Variants in NFKBIB observed in about 807,000 individuals in gnomAD.
NFKBIB encodes NF-kappa-B inhibitor beta.
NFKBIB carries 16 observed loss-of-function variants against 32.1 expected under a neutral mutation model. The ratio of observed to expected loss-of-function variants is 0.50; its 90% CI spans 0.34 to 0.76. The LOEUF (loss-of-function observed/expected upper bound fraction) is 0.76, where lower values mean the gene tolerates loss of function less well. Ranked by LOEUF, NFKBIB falls within the 30% of genes least tolerant of loss-of-function variation. The pLI is 0.01. For missense variants in NFKBIB, 437 were observed against 514.9 expected (o/e 0.85, Z 1.46); for synonymous variants, 222 against 219.5 (o/e 1.01, Z -0.10).
At position 38,907,873 on chromosome 19, in the gene NFKBIB, A is replaced by G; in HGVS notation, c.969+214A>G. 4 of 1,400,848 alleles carry G rather than the reference A, an allele frequency of 2.9e-6. 1 individual carries two copies. In the South Asian group the frequency reaches 7.1e-5, roughly 25 times the overall value. 86.8% of individuals were successfully genotyped at this position (1,400,848 alleles called of 1,614,324 possible). ...GTGGCTGAAAAACTAAGGCAGTGGCAAAGGTAGAACTCAGGCAGGGGTGGA... is the reference window on the plus strand; with the variant it reads ...GTGGCTGAAAAACTAAGGCAGTGGCGAAGGTAGAACTCAGGCAGGGGTGGA... On this transcript the variant is annotated intron_variant, in intron 5 of 5. Coordinates refer to ENST00000313582, the MANE Select transcript of NFKBIB (RefSeq NM_002503.5).
intron 5 of NFKBIB, chr19:38,907,992 C>G: frequency 1.7e-6 from 2 of 1,160,578 alleles, no homozygotes; most frequent in Non-Finnish European, 2.1e-6. Flanking sequence ...AGAACTCACA[C>G]TGCGAAAAGA....
chr19:38,907,499 G>C lies in NFKBIB; in HGVS notation c.809G>C (p.Arg270Pro), dbSNP rs763394190. ...AGGGCAGGCGCGAACCCTGCTGCCC[G>C]CATGTACGGTGGCCGCACCCCACTC... Reference protein sequence around the residue: ...LLRAGANPAARMYGGRTPLGS... With the variant: ...LLRAGANPAAPMYGGRTPLGS... Residue 270 changes from arginine (R) to proline (P), a missense_variant, in exon 5 of 6, where the codon CGC becomes CCC. Transcript: ENST00000313582. The C allele has an allele frequency of 1.2e-6, 2 of 1,612,496 alleles. No individual in the cohort carries two copies. Among genetic ancestry groups the C allele is most frequent in the South Asian group, 2.2e-5 (2 of 91,056 alleles).
intron 1 of NFKBIB, among the ~76,000 whole-genome samples, chr19:38,901,059 G>A (rs1973940824): frequency 6.6e-6 from 1 of 152,266 alleles, no homozygotes; most frequent in East Asian, 1.9e-4. Flanking sequence ...AGATAAACAA[G>A]ATAAGAGCAT....
intron 5 of NFKBIB, 193 bp from the exon 6 acceptor site, chr19:38,908,538 T>TAAAAAA (rs56371900): frequency 1.3e-5 from 14 of 1,081,672 alleles, no homozygotes; most frequent in South Asian, 6.1e-5. Context: ...GACTCCATCT[T>TAAAAAA]AAAAAAAAAA....
Position 38,905,411 on chromosome 19 carries a change from C to A in NFKBIB, c.495C>A (p.Gly165=), listed in dbSNP as rs753986182. 94 of 1,613,682 alleles carry A rather than the reference C, an allele frequency of 5.8e-5. 1 individual carries two copies. The South Asian group carries it at 9.3e-4, about 16-fold the overall frequency. Residue 165 remains glycine (G), a synonymous_variant, in exon 3 of 6, where the codon GGC becomes GGA. Transcript: ENST00000313582. This position sits in a 1 kb window ranked among gnomAD's most constrained non-coding sequence, Gnocchi z 5.5. ...REAPDTYLAQ[G]PDRTPDTNHT... ...CCCCCGACACCTACCTCGCTCAGGGCCCTGACCGTACTCCCGACACCAACC... is the reference window on the plus strand; with the variant it reads ...CCCCCGACACCTACCTCGCTCAGGGACCTGACCGTACTCCCGACACCAACC...
intron 4 of NFKBIB, 31 bp from the exon 5 acceptor site, chr19:38,907,368 G>A: frequency 2.5e-6 from 4 of 1,595,590 alleles, no homozygotes; most frequent in Non-Finnish European, 3.4e-6. Context: ...CCCTCTTCGG[G>A]CCCTCTGACC....
upstream of NFKBIB, chr19:38,899,903 T>G (rs1402883439): frequency 3.1e-6 from 3 of 972,670 alleles, no homozygotes; most frequent in Non-Finnish European, 4.4e-6. Flanking sequence ...TGTGAGCGAT[T>G]CAGCATATTA....
Position 38,905,612 on chromosome 19 carries a change from T to C in NFKBIB, c.619+77T>C. Reference sequence around the variant, plus strand: ...CTGGCCCTGGGCTCAGCTTCCCTGATTTGAGACTGAGCTCCTTGGGAAATC... The same window carrying C: ...CTGGCCCTGGGCTCAGCTTCCCTGACTTGAGACTGAGCTCCTTGGGAAATC... On this transcript the variant is annotated intron_variant, in intron 3 of 5. Transcript: ENST00000313582. This position sits in a 1 kb window ranked among gnomAD's most constrained non-coding sequence, Gnocchi z 5.5. The C allele has an allele frequency of 8.5e-7, 1 of 1,183,246 alleles. No individual in the cohort carries two copies. Among genetic ancestry groups the C allele is most frequent in the South Asian group, 1.5e-5 (1 of 67,166 alleles). The allele number at this position is 1,183,246 out of a possible 1,614,324, so 73.3% of individuals were successfully genotyped here.
chr19:38,908,458 G>C, intron 5 of NFKBIB: 1 of 987,166 alleles, frequency 1.0e-6, no homozygotes, highest in Non-Finnish European at 1.3e-6. Flanking sequence ...AGAATTGCTT[G>C]AACCTGGGAG....
chr19:38,901,782 T>C (rs997715514), intron 1 of NFKBIB, among the ~76,000 whole-genome samples: 2 of 152,074 alleles, frequency 1.3e-5, no homozygotes, highest in Admixed American at 6.6e-5. Context: ...TGTGAGCCAC[T>C]GTGTGCAGCT....
intron 5 of NFKBIB, chr19:38,908,303 G>T: frequency 1.0e-6 from 1 of 973,876 alleles, no homozygotes; most frequent in Non-Finnish European, 1.2e-6. Context: ...CACTTTGGGA[G>T]GCCGAGGCAG....
At position 38,907,671 on chromosome 19, in the gene NFKBIB, G is replaced by A; in HGVS notation, c.969+12G>A. ...GCGGAGACGAGGGCGTGAGTCAGGA[G>A]GAGAGACAGGGCAGCCCAGCTGGGG... On this transcript the variant is annotated intron_variant, in intron 5 of 5. Coordinates refer to ENST00000313582, the MANE Select transcript of NFKBIB (RefSeq NM_002503.5). The A allele has an allele frequency of 6.3e-7, 1 of 1,590,404 alleles. No homozygotes were observed. Among genetic ancestry groups the A allele is most frequent in the Admixed American group, 1.8e-5 (1 of 56,822 alleles).
Position 38,905,399 on chromosome 19 carries a change from C to T in NFKBIB, c.483C>T (p.Tyr161=), listed in dbSNP as rs1974087571. Residue 161 remains tyrosine (Y), a synonymous_variant, in exon 3 of 6, where the codon TAC becomes TAT. Coordinates refer to ENST00000313582, the MANE Select transcript of NFKBIB (RefSeq NM_002503.5). This position sits in a 1 kb window ranked among gnomAD's most constrained non-coding sequence, Gnocchi z 5.5. ...PRRPREAPDT[Y]LAQGPDRTPD... is the part of the protein sequence containing the mutation. Reference sequence around the variant, plus strand: ...GCCCCAGGGAAGCCCCCGACACCTACCTCGCTCAGGGCCCTGACCGTACTC... The same window carrying T: ...GCCCCAGGGAAGCCCCCGACACCTATCTCGCTCAGGGCCCTGACCGTACTC... 1 of 1,613,712 alleles carries T rather than the reference C, an allele frequency of 6.2e-7. No individual in the cohort carries two copies.
chr19:38,899,812 G>A (rs1973877626), upstream of NFKBIB: 2 of 685,586 alleles, frequency 2.9e-6, no homozygotes, highest in Admixed American at 5.6e-5. Context: ...GGTAAAGGGC[G>A]CCCGGAAAAT....
At chr19:38,899,870 C>T, upstream of NFKBIB, 1 of 769,248 alleles carries the variant, frequency 1.3e-6, no homozygotes, top group Non-Finnish European at 2.0e-6. Context: ...TCTGATTGGT[C>T]AGGATGCAGT....
chr19:38,905,415 G>C lies in NFKBIB; in HGVS notation c.499G>C (p.Asp167His). The change falls in exon 3 of 6, where the codon GAC becomes CAC. Residue 167 changes from aspartate (D) to histidine (H), a missense_variant. Coordinates refer to ENST00000313582, the MANE Select transcript of NFKBIB (RefSeq NM_002503.5). The surrounding 1 kb of genome is among the most constrained non-coding windows in gnomAD (Gnocchi z 5.5). ...APDTYLAQGPDRTPDTNHTPV... is the reference protein window; with the variant it reads ...APDTYLAQGPHRTPDTNHTPV... ...CGACACCTACCTCGCTCAGGGCCCT[G>C]ACCGTACTCCCGACACCAACCATAC... is the stretch of plus-strand genomic sequence containing the variant. The C allele has an allele frequency of 6.2e-7, 1 of 1,613,878 alleles. No homozygotes were observed. Among genetic ancestry groups the C allele is most frequent in the Non-Finnish European group, 8.5e-7 (1 of 1,179,944 alleles).
chr19:38,905,365 G>A lies in NFKBIB; in HGVS notation c.449G>A (p.Arg150His), dbSNP rs199908107. ...TGTGCCCGTGCCCTGCTTCAGCCCCGCCCCCGGCGCCCCAGGGAAGCCCCC... is the reference window on the plus strand; with the variant it reads ...TGTGCCCGTGCCCTGCTTCAGCCCCACCCCCGGCGCCCCAGGGAAGCCCCC... ...HACARALLQP[R>H]PRRPREAPDT... Residue 150 changes from arginine to histidine, a missense_variant, in exon 3 of 6, where the codon CGC (arginine) becomes CAC (histidine). Transcript: ENST00000313582. This position sits in a 1 kb window ranked among gnomAD's most constrained non-coding sequence, Gnocchi z 5.5. The A allele has an allele frequency of 1.5e-5, 24 of 1,612,306 alleles. No individual in the cohort carries two copies. In the East Asian group the frequency reaches 2.0e-4, roughly 13 times the overall value.
rs563037687 is a variant in NFKBIB, at chr19:38,904,126, TATTATTCTG to T, written c.180-888_180-880del. Among the ~76,000 whole-genome samples, 844 of 152,064 alleles carry T rather than the reference TATTATTCTG, an allele frequency of 5.6e-3. 3 individuals are homozygous for T. The highest frequency in any genetic ancestry group is 8.1e-3 in the Non-Finnish European group (550 of 67,994). ...AAATAAATAAATAAATATTCTTGAA[TATTATTCTG>T]GGATGGAGTTAAATTACTCGGAAGT... On this transcript the variant is annotated intron_variant, in intron 1 of 5. Coordinates refer to ENST00000313582, the MANE Select transcript of NFKBIB (RefSeq NM_002503.5).
chr19:38,900,954 C>G (rs759535504), intron 1 of NFKBIB, among the ~76,000 whole-genome samples: 21 of 151,834 alleles, frequency 1.4e-4, no homozygotes. Flanking sequence ...AAGAAAGACA[C>G]GCAGAAAGAA....
Sources: allele counts gnomAD v4.1 joint callset (sites outside exome capture counted in the v4.1 genomes callset), GRCh38; gene constraint gnomAD v4.1.1; non-coding constraint Gnocchi (gnomAD v3.1); transcripts MANE v1.5; gene names NCBI Gene and HGNC (gene_info 2026-07-23, HGNC 2026-07-21).